Variants in ARMCX4 observed in about 807,000 individuals in gnomAD.
ARMCX4 encodes armadillo repeat-containing X-linked protein 4.
In ARMCX4, 3 loss-of-function variants were observed where a neutral mutation model predicts 34.7. The ratio of observed to expected loss-of-function variants is 0.09; its 90% confidence interval spans 0.04 to 0.22. The LOEUF (loss-of-function observed/expected upper bound fraction) is 0.22. ARMCX4 is among the 10% of genes least tolerant of loss of function. The pLI is 1.00. For missense variants in ARMCX4, 1,448 were observed against 1,720.8 expected (o/e 0.84, Z 2.81); for synonymous variants, 513 against 632.8 (o/e 0.81, Z 2.84).
chrX:101,448,685 C>T (rs190187939), downstream of ARMCX4, among the ~76,000 whole-genome samples: 119 of 111,099 alleles, frequency 1.1e-3, no homozygotes, highest in African/African-American at 3.6e-3. Flanking sequence ...CTCCACCTCC[C>T]GGGTTCAAGC....
At chrX:101,478,624 C>A (rs1441858200) in intron 4 of ARMCX4, among the ~76,000 whole-genome samples, 1 of 110,914 alleles carries the variant, frequency 9.0e-6, no homozygotes, top group African/African-American at 3.3e-5. Context: ...ACAGGAAGCA[C>A]AAGACAAAGA....
At chrX:101,420,241 C>A (rs1211259057) in intron 2 of ARMCX4, among the ~76,000 whole-genome samples, 2 of 111,614 alleles carry the variant, frequency 1.8e-5, no homozygotes, top group Non-Finnish European at 3.8e-5. Context: ...CGCCTGTAAT[C>A]CCAGCTACTT....
upstream of ARMCX4, among the ~76,000 whole-genome samples, chrX:101,484,764 C>T (rs1022945910): frequency 8.9e-6 from 1 of 111,894 alleles, no homozygotes; most frequent in Admixed American, 9.5e-5. Context: ...AAATAGTTTG[C>T]AGTAACAGAA....
At chrX:101,510,347 C>T (rs1603223631) in intron 10 of ARMCX4, among the ~76,000 whole-genome samples, 1 of 111,530 alleles carries the variant, frequency 9.0e-6, no homozygotes, top group Admixed American at 9.5e-5. Context: ...TGTGAATGTA[C>T]CAATTTTATT....
chrX:101,425,638 G>A (rs928049605), intron 2 of ARMCX4, among the ~76,000 whole-genome samples: 4 of 109,728 alleles, frequency 3.6e-5, no homozygotes, highest in African/African-American at 1.3e-4. Flanking sequence ...CAGGTGATCC[G>A]CCTACCTCAG....
chrX:101,436,375 G>T, intron 2 of ARMCX4, among the ~76,000 whole-genome samples: 1 of 110,040 alleles, frequency 9.1e-6, no homozygotes, highest in Middle Eastern at 4.7e-3. Context: ...TTGTAAGTTG[G>T]ATTCCTAGGT....
intron 4 of ARMCX4, among the ~76,000 whole-genome samples, chrX:101,454,781 A>G (rs1358800325): frequency 2.7e-5 from 3 of 111,426 alleles, no homozygotes; most frequent in African/African-American, 9.8e-5. Flanking sequence ...TGGCTTGTAA[A>G]CAACAAGAGT....
At chrX:101,509,048 C>A (rs1934521055) in intron 8 of ARMCX4, among the ~76,000 whole-genome samples, 1 of 111,548 alleles carries the variant, frequency 9.0e-6, no homozygotes, top group Admixed American at 9.6e-5. Flanking sequence ...TTTCTTCCCC[C>A]CTCTCTTTTT....
rs1449654205 is a variant in ARMCX4 at position 101,495,705 on chromosome X, ATAAG to A, written c.*248_*251del. 1.7e-5 allele frequency: 5 copies of A among 287,416 alleles called. No homozygotes were observed. Among genetic ancestry groups the A allele is most frequent in the African/African-American group, 2.7e-5 (1 of 36,646 alleles). 23.7% of individuals were successfully genotyped at this position (287,416 alleles called of 1,213,427 possible). On this transcript the variant is annotated 3_prime_UTR_variant, in exon 6 of 6. Coordinates refer to ENST00000423738, the MANE Select transcript of ARMCX4 (RefSeq NM_001256155.3). ...TGAGCAGAAACTGAATGGATTCTTC[ATAAG>A]TAAGGTAATCTTTGGTCCTTTGTGT... is the stretch of plus-strand genomic sequence containing the variant.
In ARMCX4 at chrX:101,489,257, G is replaced by C. The variant is rs192579167; in HGVS notation, c.668G>C (p.Gly223Ala). 1 of 1,153,737 alleles carries C rather than the reference G, an allele frequency of 8.7e-7. No individual in the cohort carries two copies. Among genetic ancestry groups the C allele is most frequent in the African/African-American group, 1.8e-5 (1 of 55,836 alleles). The change falls in exon 6 of 6, where the codon GGG becomes GCG. Residue 223 changes from glycine (G) to alanine (A), a missense_variant. Physicochemically the swap from Gly to Ala is moderately conservative, Grantham distance 60. Transcript: ENST00000423738. Reference protein sequence around the residue: ...LAVPREVAKMGATNKTGIVDE... With the variant: ...LAVPREVAKMAATNKTGIVDE... ...GTACCCAGGGAAGTGGCCAAGATGGGGGCCACGAACAAGACTGGAATTGTG... is the reference window on the plus strand; with the variant it reads ...GTACCCAGGGAAGTGGCCAAGATGGCGGCCACGAACAAGACTGGAATTGTG...
At chrX:101,514,645 C>T (rs1475276082) in intron 11 of ARMCX4, among the ~76,000 whole-genome samples, 1 of 111,743 alleles carries the variant, frequency 8.9e-6, no homozygotes. Flanking sequence ...AGCATTGCAA[C>T]CAGGGAAGGC....
chrX:101,433,340 A>G (rs7057004), intron 2 of ARMCX4, among the ~76,000 whole-genome samples: 3 of 99,431 alleles, frequency 3.0e-5, no homozygotes, highest in Non-Finnish European at 6.1e-5. Flanking sequence ...ACATATGTAC[A>G]TATATGTACA....
intron 7 of ARMCX4, among the ~76,000 whole-genome samples, chrX:101,502,692 T>C (rs2147690142): frequency 8.9e-6 from 1 of 111,864 alleles, no homozygotes; most frequent in African/African-American, 3.2e-5. Context: ...CCAGATCCTA[T>C]GTGACACAGG....
intron 2 of ARMCX4, among the ~76,000 whole-genome samples, chrX:101,429,020 G>C (rs139851474): frequency 9.2e-6 from 1 of 108,520 alleles, no homozygotes; most frequent in South Asian, 4.0e-4. Flanking sequence ...CACCATGCCC[G>C]GCTAATTTTT....
At chrX:101,480,151 C>CAG (rs1933377188) in intron 4 of ARMCX4, among the ~76,000 whole-genome samples, 1 of 98,196 alleles carries the variant, frequency 1.0e-5, no homozygotes. Context: ...CACACACACA[C>CAG]ACACACACAC....
chrX:101,488,883 AGCCAACTCTCAG>A lies in ARMCX4; in HGVS notation c.300_311del (p.Asn100_Ala103del), dbSNP rs1488594622. 1 of 1,154,471 alleles carries A rather than the reference AGCCAACTCTCAG, an allele frequency of 8.7e-7. No homozygotes were observed. Among genetic ancestry groups the A allele is most frequent in the Non-Finnish European group, 1.1e-6 (1 of 872,743 alleles). On this transcript the variant is annotated inframe_deletion, in exon 6 of 6. Coordinates refer to ENST00000423738, the MANE Select transcript of ARMCX4 (RefSeq NM_001256155.3). Reference sequence around the variant, plus strand: ...AGGCCACTGCTATAGCCATACACAGAGCCAACTCTCAGGCCAAGGCAATGGTTGGGGCAGAGC... The same window carrying A: ...AGGCCACTGCTATAGCCATACACAGAGCCAAGGCAATGGTTGGGGCAGAGC...
At chrX:101,424,746 A>T (rs1262853894) in intron 2 of ARMCX4, among the ~76,000 whole-genome samples, 3 of 111,970 alleles carry the variant, frequency 2.7e-5, no homozygotes, top group Non-Finnish European at 3.8e-5. Context: ...GTGACTTCTC[A>T]GTTTCTGGCT....
At chrX:101,515,988 T>G (rs782221928) in intron 11 of ARMCX4, among the ~76,000 whole-genome samples, 1 of 111,956 alleles carries the variant, frequency 8.9e-6, no homozygotes, top group East Asian at 2.8e-4. Context: ...AGATTCTTTA[T>G]AGAAATAATA....
At chrX:101,481,116 C>T (rs1162655077), upstream of ARMCX4, among the ~76,000 whole-genome samples, 1 of 111,530 alleles carries the variant, frequency 9.0e-6, no homozygotes, top group Non-Finnish European at 1.9e-5. Flanking sequence ...AGAGTGAGAA[C>T]CTATCTCAAA....
Sources: gnomAD v4.1 joint callset for allele counts (sites outside exome capture counted in the v4.1 genomes callset) on GRCh38, gnomAD v4.1.1 for gene constraint, MANE v1.5 for transcripts, NCBI Gene and HGNC (gene_info 2026-07-23, HGNC 2026-07-21) for gene names.